The following AGBL1 variants were observed in gnomAD, a reference collection of about 807,000 sequenced individuals.
The protein encoded by AGBL1 is AGBL carboxypeptidase 1, also known as cytosolic carboxypeptidase 4.
Under a neutral mutation model 118.9 loss-of-function variants are expected in AGBL1, and 130 were observed. The ratio of observed to expected loss-of-function variants is 1.09; its 90% CI spans 0.95 to 1.26. The LOEUF (loss-of-function observed/expected upper bound fraction) is 1.26. AGBL1 is among the 50% of genes most tolerant of loss of function. The pLI is 0.00. For synonymous variants in AGBL1, 555 were observed against 478.9 expected (o/e 1.16, Z -2.08); for missense variants, 1,584 against 1,298.1 (o/e 1.22, Z -3.38).
chr15:86,429,890 C>G (rs931456056), intron 18 of AGBL1, among the ~76,000 whole-genome samples: 3 of 152,170 alleles, frequency 2.0e-5, no homozygotes, highest in African/African-American at 7.2e-5. Flanking sequence ...ATTCTTTACC[C>G]TTGTCCACAC....
At chr15:86,984,363 C>T (rs72757484) in intron 23 of AGBL1, among the ~76,000 whole-genome samples, 5,225 of 23,226 alleles carry the variant, frequency 0.22, 151 homozygotes, top group Middle Eastern at 0.42. Context: ...TTTTTTCTCT[C>T]TTTTTTTTTT....
chr15:86,291,855 A>T (rs2079550279), intron 16 of AGBL1, among the ~76,000 whole-genome samples: 1 of 152,182 alleles, frequency 6.6e-6, no homozygotes, highest in Non-Finnish European at 1.5e-5. Flanking sequence ...TCAATACCTG[A>T]TACTCGTTAT....
At chr15:86,769,020 T>C (rs1435050173) in intron 22 of AGBL1, among the ~76,000 whole-genome samples, 3 of 151,928 alleles carry the variant, frequency 2.0e-5, no homozygotes, top group Admixed American at 2.0e-4. Context: ...TTATTACTCA[T>C]AACAAAAGCA....
At chr15:86,742,444 C>A (rs2077693781) in intron 22 of AGBL1, among the ~76,000 whole-genome samples, 1 of 152,278 alleles carries the variant, frequency 6.6e-6, no homozygotes, top group Middle Eastern at 3.4e-3. Flanking sequence ...GTTAATCTGA[C>A]CTTATCCTTA....
intron 24 of AGBL1, among the ~76,000 whole-genome samples, chr15:87,023,931 A>G (rs2081696416): frequency 6.6e-6 from 1 of 152,056 alleles, no homozygotes; most frequent in Non-Finnish European, 1.5e-5. Flanking sequence ...AATTCTTTGA[A>G]CTGAATGACA....
At chr15:86,583,677 A>G (rs183162583) in intron 21 of AGBL1, among the ~76,000 whole-genome samples, 42 of 152,236 alleles carry the variant, frequency 2.8e-4, no homozygotes, top group African/African-American at 9.1e-4. Context: ...TCATTTTAGA[A>G]GGATTTATTT....
At position 86,993,996 on chromosome 15, in the gene AGBL1, G is replaced by A. The variant is rs543720289; in HGVS notation, c.3323+5908G>A. Reference sequence around the variant, plus strand: ...CCATCCTGCCAAACCCCAAAGTGACGTTTTCATTCGACGTCACAACGCTTC... The same window carrying A: ...CCATCCTGCCAAACCCCAAAGTGACATTTTCATTCGACGTCACAACGCTTC... On this transcript the variant is annotated intron_variant, in intron 24 of 24. Transcript: ENST00000441037. Among the ~76,000 whole-genome samples the A allele has an allele frequency of 3.9e-5, 6 of 152,144 alleles. No individual in the cohort carries two copies. In the East Asian group the frequency reaches 5.8e-4, roughly 15 times the overall value.
intron 5 of AGBL1, among the ~76,000 whole-genome samples, chr15:86,217,419 A>G (rs1046739000): frequency 6.6e-6 from 1 of 152,262 alleles, no homozygotes; most frequent in Non-Finnish European, 1.5e-5. Context: ...AGTAGAAAAC[A>G]AAACATGTTT....
At chr15:86,576,861 C>A (rs1285843409) in intron 21 of AGBL1, among the ~76,000 whole-genome samples, 7 of 152,202 alleles carry the variant, frequency 4.6e-5, no homozygotes, top group Non-Finnish European at 1.0e-4. Context: ...ACTTGCTGCT[C>A]CTTGCTTTCC....
chr15:86,845,145 C>T (rs2079300831), intron 22 of AGBL1, among the ~76,000 whole-genome samples: 2 of 152,028 alleles, frequency 1.3e-5, no homozygotes, highest in South Asian at 4.1e-4. Context: ...TGGTAATTTT[C>T]ATTTCAATGT....
chr15:86,838,114 T>G (rs1456655844), intron 22 of AGBL1, among the ~76,000 whole-genome samples: 2 of 152,132 alleles, frequency 1.3e-5, no homozygotes, highest in Non-Finnish European at 2.9e-5. Context: ...CACAAGAAGA[T>G]TTTTACCTTG....
rs1178603843 is a variant in AGBL1, at chr15:86,639,905, GC to G, written c.2995-34367del. On this transcript the variant is annotated intron_variant, in intron 21 of 22. Transcript: ENST00000614907. The stretch of plus-strand genomic sequence containing the variant: ...TAACCAGGCTGCAAACTCCTTGAAA[GC>G]TTGTCCTTATCTTCTGCTTTCTTGT... Among the ~76,000 whole-genome samples the G allele has an allele frequency of 1.2e-4, 18 of 152,274 alleles. No individual in the cohort carries two copies. In the South Asian group the frequency reaches 1.5e-3, roughly 12 times the overall value.
intron 22 of AGBL1, among the ~76,000 whole-genome samples, chr15:86,900,989 C>G (rs1229017254): frequency 6.6e-6 from 1 of 152,134 alleles, no homozygotes; most frequent in Non-Finnish European, 1.5e-5. Context: ...GTAAACCTCA[C>G]TTTTTAATGT....
chr15:86,687,657 T>C (rs1189402373), intron 22 of AGBL1, among the ~76,000 whole-genome samples: 1 of 152,164 alleles, frequency 6.6e-6, no homozygotes, highest in Non-Finnish European at 1.5e-5. Context: ...GAGTAAAGCA[T>C]AGGCTAAGTT....
chr15:86,647,623 C>T (rs954698399), intron 21 of AGBL1, among the ~76,000 whole-genome samples: 7 of 152,166 alleles, frequency 4.6e-5, no homozygotes, highest in African/African-American at 1.7e-4. Context: ...ATTGCTTGAA[C>T]CTAGGAGGCG....
intron 22 of AGBL1, among the ~76,000 whole-genome samples, chr15:86,862,131 T>C (rs1007893015): frequency 6.6e-5 from 10 of 152,140 alleles, no homozygotes; most frequent in Non-Finnish European, 1.3e-4. Flanking sequence ...TTAGAATCAT[T>C]TGGGGTTAAG....
chr15:86,956,384 G>A (rs984115829), intron 23 of AGBL1, among the ~76,000 whole-genome samples: 6 of 152,088 alleles, frequency 3.9e-5, no homozygotes, highest in Non-Finnish European at 5.9e-5. Flanking sequence ...TAAAATGAAA[G>A]AGATAAATTC....
chr15:86,212,661 A>AT (rs2078118947), intron 5 of AGBL1, among the ~76,000 whole-genome samples: 1 of 151,942 alleles, frequency 6.6e-6, no homozygotes, highest in Admixed American at 6.6e-5. Context: ...TTTATTTTTT[A>AT]TTTTTTGGGA....
chr15:86,339,437 C>G (rs934803891), intron 17 of AGBL1, among the ~76,000 whole-genome samples: 1 of 152,040 alleles, frequency 6.6e-6, no homozygotes. Flanking sequence ...CTTTTTGGCT[C>G]CACCATCTTT....
Sources: gnomAD v4.1 joint callset for allele counts (sites outside exome capture counted in the v4.1 genomes callset) on GRCh38, gnomAD v4.1.1 for gene constraint, MANE v1.5 for transcripts, NCBI Gene and HGNC (gene_info 2026-07-23, HGNC 2026-07-21) for gene names.